Variants in TMEM184B observed in about 807,000 individuals in gnomAD.
The protein encoded by TMEM184B is transmembrane protein 184B.
A neutral mutation model predicts 41.8 loss-of-function variants in TMEM184B; 17 were observed. That is an observed-to-expected ratio of 0.41 (90% CI 0.28 to 0.61). The LOEUF (loss-of-function observed/expected upper bound fraction) is 0.61, where lower values mean the gene tolerates loss of function less well. Ranked by LOEUF, TMEM184B falls within the 20% of genes least tolerant of loss-of-function variation. TMEM184B has a pLI of 0.34. For synonymous variants in TMEM184B, 240 were observed against 229.5 expected, an observed-to-expected ratio of 1.05 and a Z score of -0.41; for missense variants, 393 against 557.8, an observed-to-expected ratio of 0.70 and a Z score of 2.98.
downstream of TMEM184B, among the ~76,000 whole-genome samples, chr22:38,217,686 G>T (rs1209111514): frequency 6.6e-6 from 1 of 151,136 alleles, no homozygotes; most frequent in African/African-American, 2.4e-5. Flanking sequence ...AAACATAGCT[G>T]AGTGTGGTGG....
intron 3 of TMEM184B, among the ~76,000 whole-genome samples, chr22:38,237,288 A>G (rs1453939709): frequency 6.6e-6 from 1 of 152,212 alleles, no homozygotes; most frequent in African/African-American, 2.4e-5. Context: ...GCTTTGAGAA[A>G]AGACTCAGTA....
chr22:38,217,044 AG>A (rs1316067876), downstream of TMEM184B, among the ~76,000 whole-genome samples: 2 of 146,142 alleles, frequency 1.4e-5, no homozygotes, highest in Non-Finnish European at 3.0e-5. Flanking sequence ...GTAAGAAAAC[AG>A]GCCGGGCGCA....
chr22:38,249,028 T>C (rs2092103826), intron 1 of TMEM184B, among the ~76,000 whole-genome samples: 1 of 152,188 alleles, frequency 6.6e-6, no homozygotes, highest in African/African-American at 2.4e-5. Context: ...CCTTCTCCAG[T>C]TCTGAGACTT....
At position 38,220,799 on chromosome 22, in the gene TMEM184B, T is replaced by C; in HGVS notation, c.*670A>G. The C allele has an allele frequency of 1.0e-6, 1 of 986,030 alleles. No homozygotes were observed. The highest frequency in any genetic ancestry group is 1.2e-6 in the Non-Finnish European group (1 of 830,092). 61.1% of individuals were successfully genotyped at this position (986,030 alleles called of 1,614,324 possible). On this transcript the variant is annotated 3_prime_UTR_variant, in exon 9 of 9. Coordinates refer to ENST00000361906, the MANE Select transcript of TMEM184B (RefSeq NM_012264.5). ...GAGGTGTGGCCACGACAGGTGGGGA[T>C]ACCCAGGGGCCCAGAAGCCCCTGCT...
In TMEM184B at chr22:38,220,998, C is replaced by A; in HGVS notation, c.*471G>T. On this transcript the variant is annotated 3_prime_UTR_variant, in exon 9 of 9. Transcript: ENST00000361906. ...GGGGTGAGGTGAATCTAGCACTGGA[C>A]AAAGGTGGACAGGGGAGGGATGCAG... is the stretch of plus-strand genomic sequence containing the variant. 1 of 998,810 alleles carries A rather than the reference C, an allele frequency of 1.0e-6. No homozygotes were observed. The allele number at this position is 998,810 out of a possible 1,614,324, so 61.9% of individuals were successfully genotyped here. A position where few individuals can be genotyped will look rare whatever the true frequency, so the allele number is the denominator to read the frequency against.
intron 1 of TMEM184B, among the ~76,000 whole-genome samples, chr22:38,268,963 C>T (rs2092482394): frequency 6.6e-6 from 1 of 152,274 alleles, no homozygotes; most frequent in Admixed American, 6.5e-5. Flanking sequence ...AGGTACCGTG[C>T]TGAGCTCCAT....
intron 1 of TMEM184B, among the ~76,000 whole-genome samples, chr22:38,254,663 AC>A (rs1400977305): frequency 3.3e-5 from 5 of 152,156 alleles, no homozygotes; most frequent in South Asian, 2.1e-4. Context: ...GGAAATGCAA[AC>A]TGAAAAACTG....
intron 1 of TMEM184B, among the ~76,000 whole-genome samples, chr22:38,268,829 C>T (rs1201455176): frequency 6.6e-6 from 1 of 152,264 alleles, no homozygotes; most frequent in Non-Finnish European, 1.5e-5. Context: ...TTCTCTCTCC[C>T]CAGCTGCACT....
In TMEM184B at chr22:38,265,895, G is replaced by A. The variant is rs150857998; in HGVS notation, c.-59+6989C>T. On this transcript the variant is annotated intron_variant, in intron 1 of 8. Coordinates refer to ENST00000361906, the MANE Select transcript of TMEM184B (RefSeq NM_012264.5). ...TAGTTATTTTCTCTCGGAGCTTTTC[G>A]GTAAATGGGGAACAGCCCTGCTGAG... is the stretch of plus-strand genomic sequence containing the variant. Among the ~76,000 whole-genome samples the A allele has an allele frequency of 4.2e-4, 64 of 152,290 alleles. 1 individual carries two copies. In the East Asian group the frequency reaches 0.011, roughly 27 times the overall value.
intron 1 of TMEM184B, among the ~76,000 whole-genome samples, chr22:38,268,153 C>A (rs748727647): frequency 6.6e-6 from 1 of 151,972 alleles, no homozygotes; most frequent in Non-Finnish European, 1.5e-5. Context: ...GAGGCCAAGG[C>A]GGGCAGATCA....
chr22:38,220,393 G>A lies in TMEM184B; in HGVS notation c.*1076C>T. 1.0e-6 allele frequency: 1 copy of A among 986,078 alleles called. No individual in the cohort carries two copies. The allele number at this position is 986,078 out of a possible 1,614,324, so 61.1% of individuals were successfully genotyped here. On this transcript the variant is annotated 3_prime_UTR_variant, in exon 9 of 9. Coordinates refer to ENST00000361906, the MANE Select transcript of TMEM184B (RefSeq NM_012264.5). Reference sequence around the variant, plus strand: ...TCATATGTGACTAAGGCACAGAAGAGATGGGCCAGGGGCCAGATGGGGTAG... The same window carrying A: ...TCATATGTGACTAAGGCACAGAAGAAATGGGCCAGGGGCCAGATGGGGTAG...
intron 1 of TMEM184B, among the ~76,000 whole-genome samples, chr22:38,251,381 G>A (rs1272387652): frequency 3.3e-5 from 5 of 152,302 alleles, no homozygotes; most frequent in African/African-American, 7.2e-5. Flanking sequence ...CAGCCACCCA[G>A]GGTGGCAACA....
chr22:38,272,347 C>T (rs2092537263), intron 1 of TMEM184B, among the ~76,000 whole-genome samples: 1 of 152,130 alleles, frequency 6.6e-6, no homozygotes, highest in South Asian at 2.1e-4. Flanking sequence ...ATCTTTCGAG[C>T]CCCAGGTCCC....
Position 38,247,999 on chromosome 22 carries a change from T to C in TMEM184B, c.-38A>G. 1 of 1,528,866 alleles carries C rather than the reference T, an allele frequency of 6.5e-7. No individual in the cohort carries two copies. The highest frequency in any genetic ancestry group is 8.8e-7 in the Non-Finnish European group (1 of 1,142,478). 94.7% of individuals were successfully genotyped at this position (1,528,866 alleles called of 1,614,324 possible). On this transcript the variant is annotated 5_prime_UTR_variant, in exon 2 of 9. Coordinates refer to ENST00000361906, the MANE Select transcript of TMEM184B (RefSeq NM_012264.5). ...CAGGAGGCTCCCTGAGGGAAACCTT[T>C]GCAGAAAGTGACAAGCTAGCCTAGA... is the stretch of plus-strand genomic sequence containing the variant.
intron 1 of TMEM184B, among the ~76,000 whole-genome samples, chr22:38,253,573 AAAT>A (rs1468620650): frequency 6.6e-6 from 1 of 152,102 alleles, no homozygotes; most frequent in African/African-American, 2.4e-5. Flanking sequence ...TCCATCTCAA[AAAT>A]AAATAAATAA....
At chr22:38,265,943 T>C (rs935020706) in intron 1 of TMEM184B, among the ~76,000 whole-genome samples, 8 of 152,192 alleles carry the variant, frequency 5.3e-5, no homozygotes, top group African/African-American at 1.9e-4. Context: ...TCTCAGCCAC[T>C]TGCCAGCAGG....
chr22:38,231,703 T>A lies in TMEM184B; in HGVS notation c.359-369A>T, dbSNP rs758270407. 6 of 405,092 alleles carry A rather than the reference T, an allele frequency of 1.5e-5. No individual in the cohort carries two copies. The East Asian group carries it at 3.5e-4, about 23-fold the overall frequency. 25.1% of individuals were successfully genotyped at this position (405,092 alleles called of 1,614,324 possible). A position where few individuals can be genotyped will look rare whatever the true frequency, so the allele number is the denominator to read the frequency against. ...GTGTCGACCCTGGGGCGAAACAGTA[T>A]TGCCTTTATTAGTTTTTCCGGGCGC... On this transcript the variant is annotated intron_variant, in intron 3 of 8. Transcript: ENST00000361906.
chr22:38,270,368 T>A (rs1446631111), intron 1 of TMEM184B, among the ~76,000 whole-genome samples: 1 of 152,120 alleles, frequency 6.6e-6, no homozygotes, highest in East Asian at 1.9e-4. Flanking sequence ...CCACACTGGG[T>A]GGTAGGAAAA....
At chr22:38,218,852 G>A (rs1373457810), downstream of TMEM184B, among the ~76,000 whole-genome samples, 2 of 152,234 alleles carry the variant, frequency 1.3e-5, no homozygotes, top group South Asian at 2.1e-4. Context: ...GTACCAGAGA[G>A]GCCAGGCACT....
Sources: gnomAD v4.1 joint callset for allele counts (sites outside exome capture counted in the v4.1 genomes callset) on GRCh38, gnomAD v4.1.1 for gene constraint, MANE v1.5 for transcripts, NCBI Gene and HGNC (gene_info 2026-07-23, HGNC 2026-07-21) for gene names.